Variants in THSD7A observed in about 807,000 individuals in gnomAD.
THSD7A encodes thrombospondin type 1 domain containing 7A, also known as thrombospondin type-1 domain-containing protein 7A.
A neutral mutation model predicts 231.3 loss-of-function variants in THSD7A; 96 were observed. The observed-to-expected ratio is 0.41, with a 90% confidence interval of 0.35 to 0.49. The LOEUF (loss-of-function observed/expected upper bound fraction) is 0.49. Among genes scored for constraint, THSD7A ranks in the 20% least tolerant of loss-of-function variants. The probability of loss-of-function intolerance (pLI) is 0.05; values close to 1 mark genes in which losing one functional copy is unlikely to be tolerated. For missense variants in THSD7A, 2,290 were observed against 2,070.2 expected (o/e 1.11, Z -2.06); for synonymous variants, 940 against 743.3 (o/e 1.26, Z -4.30).
intron 1 of THSD7A, among the ~76,000 whole-genome samples, chr7:11,726,249 A>G (rs1781541384): frequency 6.6e-6 from 1 of 151,914 alleles, no homozygotes; most frequent in South Asian, 2.1e-4. Context: ...TGAATAAAAT[A>G]TTTTACTTTA....
chr7:11,558,391 C>G (rs1789937203), intron 4 of THSD7A, among the ~76,000 whole-genome samples: 1 of 152,098 alleles, frequency 6.6e-6, no homozygotes, highest in African/African-American at 2.4e-5. Flanking sequence ...GAAAAATCCT[C>G]AGAGGATCCC....
chr7:11,644,432 A>C (rs960133245), intron 1 of THSD7A, among the ~76,000 whole-genome samples: 1 of 151,978 alleles, frequency 6.6e-6, no homozygotes, highest in Non-Finnish European at 1.5e-5. Context: ...CTAGATTTAA[A>C]TTTCTTTCAA....
chr7:11,650,120 G>A (rs1302888314), intron 1 of THSD7A, among the ~76,000 whole-genome samples: 2 of 152,086 alleles, frequency 1.3e-5, no homozygotes, highest in Non-Finnish European at 2.9e-5. Context: ...AAGTGTCAAA[G>A]GCTGTGTTGA....
chr7:11,681,410 C>A (rs1287950600), intron 1 of THSD7A, among the ~76,000 whole-genome samples: 2 of 151,782 alleles, frequency 1.3e-5, no homozygotes, highest in Non-Finnish European at 2.9e-5. Flanking sequence ...AAAGAAAGAA[C>A]CAAACAGAAC....
In THSD7A at chr7:11,372,214, A is replaced by AC. The variant is rs35195733; in HGVS notation, c.*3579dup. 1 of 151,936 alleles carries AC rather than the reference A, an allele frequency of 6.6e-6. No homozygotes were observed. Among genetic ancestry groups the AC allele is most frequent in the Non-Finnish European group, 1.5e-5 (1 of 67,982 alleles). The allele number at this position is 151,936 out of a possible 1,614,324, so 9.4% of individuals were successfully genotyped here. On this transcript the variant is annotated 3_prime_UTR_variant, in exon 28 of 28. Coordinates refer to ENST00000423059, the MANE Select transcript of THSD7A (RefSeq NM_015204.3). ...GTACATTACGTAGGGGAAAATACTA[A>AC]CCCCATCTAAAAACAAACCTAGAGT... is the stretch of plus-strand genomic sequence containing the variant.
rs755363453 is a variant in THSD7A, at chr7:11,379,621, T to C, written c.4590+9A>G. On this transcript the variant is annotated intron_variant, in intron 25 of 27. Transcript: ENST00000423059. ...GCTGGCTTGTCTGCCCTGATGAATT[T>C]TCACATACCTCGCTACAGTACGAGT... 1 of 1,573,100 alleles carries C rather than the reference T, an allele frequency of 6.4e-7. No homozygotes were observed. Among genetic ancestry groups the C allele is most frequent in the South Asian group, 1.2e-5 (1 of 85,580 alleles).
intron 1 of THSD7A, among the ~76,000 whole-genome samples, chr7:11,722,454 C>A (rs1169815502): frequency 1.3e-5 from 2 of 151,844 alleles, no homozygotes; most frequent in Admixed American, 6.6e-5. Flanking sequence ...TAGACTTTTG[C>A]ATTCTGGCAA....
rs922314608 is a variant in THSD7A at position 11,745,584 on chromosome 7, A to C, written c.190+86173T>G. ...AGGGTTTTTATGGTTTTAGGTCTAA[A>C]ATTTAAGTCTTTAATCCATCTTGAA... On this transcript the variant is annotated intron_variant, in intron 1 of 27. Coordinates refer to ENST00000423059, the MANE Select transcript of THSD7A (RefSeq NM_015204.3). 3.2e-4 allele frequency among the ~76,000 whole-genome samples: 48 copies of C among 151,920 alleles called. 2 individuals carry two copies. The East Asian group carries it at 4.3e-3, about 14-fold the overall frequency.
At chr7:11,382,371 C>T (rs936639090) in intron 24 of THSD7A, 150 bp downstream of exon 24, 1 of 559,472 alleles carries the variant, frequency 1.8e-6, no homozygotes, top group East Asian at 2.9e-5. Context: ...CATTGGTCAC[C>T]AGATGGGTAT....
chr7:11,492,568 C>T (rs145412767), intron 6 of THSD7A, among the ~76,000 whole-genome samples: 121 of 151,906 alleles, frequency 8.0e-4, no homozygotes, highest in African/African-American at 2.7e-3. Context: ...AAATTTTGAC[C>T]CACTGATGGA....
chr7:11,546,230 A>ATG (rs1562706319), intron 4 of THSD7A, among the ~76,000 whole-genome samples: 6 of 151,280 alleles, frequency 4.0e-5, no homozygotes, highest in Admixed American at 2.0e-4. Context: ...ACACACACAC[A>ATG]CGTGGACCCT....
At chr7:11,723,806 A>C (rs1366636174) in intron 1 of THSD7A, among the ~76,000 whole-genome samples, 1 of 151,988 alleles carries the variant, frequency 6.6e-6, no homozygotes, top group East Asian at 1.9e-4. Flanking sequence ...GGGCCAAAGC[A>C]GAATGAGCAA....
chr7:11,648,637 C>CGTGTGTGTGTGTGTGTGTGTGTGT (rs3031455), intron 1 of THSD7A, among the ~76,000 whole-genome samples: 18 of 141,058 alleles, frequency 1.3e-4, no homozygotes, highest in African/African-American at 3.4e-4. Flanking sequence ...TATTTTGTGG[C>CGTGTGTGTGTGTGTGTGTGTGTGT]GTGTGTGTGT....
In THSD7A at chr7:11,780,997, C is replaced by CAAAAA. The variant is rs58931693; in HGVS notation, c.190+50755_190+50759dup. Among the ~76,000 whole-genome samples the CAAAAA allele has an allele frequency of 5.4e-3, 187 of 34,448 alleles. 34 individuals are homozygous for CAAAAA. Among genetic ancestry groups the CAAAAA allele is most frequent in the African/African-American group, 6.6e-3 (71 of 10,678 alleles). The allele number at this position is 34,448 out of a possible 152,430, so 22.6% of individuals were successfully genotyped here. A position where few individuals can be genotyped will look rare whatever the true frequency, so the allele number is the denominator to read the frequency against. On this transcript the variant is annotated intron_variant, in intron 1 of 27. Transcript: ENST00000423059. ...TGGGCGACAGAGCGAGACTCCGTCT[C>CAAAAA]AAAAAAAAAAAAAAAAAAAAAAAAA...
Position 11,665,886 on chromosome 7 carries a change from G to C in THSD7A, c.191-28925C>G, listed in dbSNP as rs78714538. On this transcript the variant is annotated intron_variant, in intron 1 of 27. Coordinates refer to ENST00000423059, the MANE Select transcript of THSD7A (RefSeq NM_015204.3). ...GACACAAATTACAAGTTTTTAAAAA[G>C]ACAACATATAGTAATGTATGCACTA... is the stretch of plus-strand genomic sequence containing the variant. Among the ~76,000 whole-genome samples the C allele has an allele frequency of 5.4e-3, 818 of 152,182 alleles. 6 individuals are homozygous for C. Among genetic ancestry groups the C allele is most frequent in the African/African-American group, 0.019 (778 of 41,546 alleles).
At chr7:11,820,293 A>C in intron 1 of THSD7A, 1 of 529,460 alleles carries the variant, frequency 1.9e-6, no homozygotes, top group African/African-American at 2.0e-5. Flanking sequence ...TCCCCTGGGC[A>C]AGGAATTCCG....
chr7:11,716,624 C>CA (rs36058447), intron 1 of THSD7A, among the ~76,000 whole-genome samples: 80,919 of 151,240 alleles, frequency 0.54, 21,880 homozygotes, highest in South Asian at 0.73. Flanking sequence ...ATAGACTATA[C>CA]AGTAGGGGTT....
chr7:11,670,321 A>G (rs977857385), intron 1 of THSD7A, among the ~76,000 whole-genome samples: 6 of 152,206 alleles, frequency 3.9e-5, no homozygotes, highest in Admixed American at 2.0e-4. Flanking sequence ...ACCACAGAGG[A>G]ATCTTCTATG....
chr7:11,512,120 C>T (rs1285695957), intron 6 of THSD7A, among the ~76,000 whole-genome samples: 5 of 152,030 alleles, frequency 3.3e-5, no homozygotes, highest in Non-Finnish European at 5.9e-5. Context: ...AAAAAGTAGG[C>T]GAGGGATATG....
Sources: allele counts gnomAD v4.1 joint callset (sites outside exome capture counted in the v4.1 genomes callset), GRCh38; gene constraint gnomAD v4.1.1; transcripts MANE v1.5; gene names NCBI Gene and HGNC (gene_info 2026-07-23, HGNC 2026-07-21).